The following DRAXIN variants were observed in gnomAD, a reference collection of about 807,000 sequenced individuals.
The protein encoded by DRAXIN is dorsal repulsive axon guidance protein.
In DRAXIN, 27 loss-of-function variants were observed where a neutral mutation model predicts 33.9. The ratio of observed to expected loss-of-function variants is 0.80; its 90% CI spans 0.59 to 1.10. DRAXIN has a LOEUF of 1.10. Among genes scored for constraint, DRAXIN ranks in the 50% least tolerant of loss-of-function variants. The pLI is 0.00. For missense variants in DRAXIN, 371 were observed against 460.8 expected (o/e 0.81, Z 1.78); for synonymous variants, 178 against 194.0 (o/e 0.92, Z 0.69).
At chr1:11,709,240 G>A (rs376350847) in intron 2 of DRAXIN, 35 bp from the exon 3 acceptor site, 14 of 1,575,642 alleles carry the variant, frequency 8.9e-6, no homozygotes, top group Non-Finnish European at 1.1e-5. Context: ...GTGGCAAGCA[G>A]ATATAGCCCC....
In DRAXIN at chr1:11,696,362, C is replaced by T. The variant is rs1325547174; in HGVS notation, c.-11+4509C>T. Among the ~76,000 whole-genome samples, 4 of 152,164 alleles carry T rather than the reference C, an allele frequency of 2.6e-5. No homozygotes were observed. Among genetic ancestry groups the T allele is most frequent in the East Asian group, 1.9e-4 (1 of 5,168 alleles). On this transcript the variant is annotated intron_variant, in intron 1 of 6. Transcript: ENST00000294485. This position sits in a 1 kb window ranked among gnomAD's most constrained non-coding sequence, Gnocchi z 4.7. ...CAGCACTTTGGGAGACAGAGGCAGG[C>T]GGATCATGAGGTCAGGAGTTCGAGA...
Position 11,709,361 on chromosome 1 carries a change from T to A in DRAXIN, c.538T>A (p.Ser180Thr). The change falls in exon 3 of 7, where the codon TCC (serine) becomes ACC (threonine). Residue 180 changes from serine to threonine, a missense_variant. Ser to Thr is a moderately conservative substitution (Grantham distance 58). Coordinates refer to ENST00000294485, the MANE Select transcript of DRAXIN (RefSeq NM_198545.4). ...AQVLDAAMEE[S>T]STSLAPTMFF... is the part of the protein sequence containing the mutation. ...GGTGCTGGATGCAGCCATGGAGGAA[T>A]CCTCCACCAGCCTGGCGCCCACCAT... 1.2e-6 allele frequency: 2 copies of A among 1,613,980 alleles called. No homozygotes were observed. Among genetic ancestry groups the A allele is most frequent in the Non-Finnish European group, 1.7e-6 (2 of 1,179,960 alleles).
At chr1:11,689,797 G>A (rs1021153572), upstream of DRAXIN, among the ~76,000 whole-genome samples, 2 of 151,880 alleles carry the variant, frequency 1.3e-5, no homozygotes, top group African/African-American at 4.8e-5. Context: ...TTTCTTGTGC[G>A]AGATCCAAGA....
chr1:11,712,070 C>T (rs1641502968), intron 4 of DRAXIN, 105 bp downstream of exon 4: 1 of 1,128,010 alleles, frequency 8.9e-7, no homozygotes, highest in Non-Finnish European at 1.3e-6. Context: ...TTCAGATGTC[C>T]AAAGGTGGGA....
chr1:11,703,707 A>G (rs1427412957), intron 1 of DRAXIN, among the ~76,000 whole-genome samples: 1 of 152,176 alleles, frequency 6.6e-6, no homozygotes, highest in African/African-American at 2.4e-5. Flanking sequence ...GGCACTGTGC[A>G]CTGAAATCCC....
In DRAXIN at chr1:11,706,029, A is replaced by G. The variant is rs1429625073; in HGVS notation, c.-10-220A>G. 6.6e-6 allele frequency among the ~76,000 whole-genome samples: 1 copy of G among 152,020 alleles called. No individual in the cohort carries two copies. The stretch of plus-strand genomic sequence containing the variant: ...CTTGGTTTCGGGGGCTGTCCTGTGC[A>G]TTGTCGGGCGTTTAGCAGCATCCAC... On this transcript the variant is annotated intron_variant, in intron 1 of 6. Coordinates refer to ENST00000294485, the MANE Select transcript of DRAXIN (RefSeq NM_198545.4). The surrounding 1 kb of genome is among the most constrained non-coding windows in gnomAD (Gnocchi z 5.5).
chr1:11,714,240 T>TGGGGTGGGCTA (rs1256851703), intron 5 of DRAXIN, among the ~76,000 whole-genome samples: 22 of 140,788 alleles, frequency 1.6e-4, no homozygotes, highest in African/African-American at 5.3e-4. Context: ...AGATTTATTT[T>TGGGGTGGGCTA]GGGGTGGGCT....
At chr1:11,719,329 C>T (rs970504895) in intron 6 of DRAXIN, among the ~76,000 whole-genome samples, 3 of 152,222 alleles carry the variant, frequency 2.0e-5, no homozygotes, top group African/African-American at 7.2e-5. Context: ...ATGCCATGTC[C>T]CACCATTACG....
chr1:11,696,659 C>G lies in DRAXIN; in HGVS notation c.-11+4806C>G, dbSNP rs1036892729. ...CACGAGGTCAAGAGATCGAGAACAT[C>G]CTAATCAACACGGTGAAACTCTGTC... On this transcript the variant is annotated intron_variant, in intron 1 of 6. Coordinates refer to ENST00000294485, the MANE Select transcript of DRAXIN (RefSeq NM_198545.4). This position sits in a 1 kb window ranked among gnomAD's most constrained non-coding sequence, Gnocchi z 4.7. Among the ~76,000 whole-genome samples, 2 of 151,856 alleles carry G rather than the reference C, an allele frequency of 1.3e-5. No homozygotes were observed. Among genetic ancestry groups the G allele is most frequent in the Non-Finnish European group, 2.9e-5 (2 of 67,984 alleles).
Position 11,709,466 on chromosome 1 carries a change from G to A in DRAXIN, c.642+1G>A, listed in dbSNP as rs1214873655. On this transcript the variant is annotated splice_donor_variant, in intron 3 of 6. Transcript: ENST00000294485. LOFTEE classifies it high-confidence loss of function. Reference sequence around the variant, plus strand: ...GCCCGTCACCTCCCTGCGGCCCCAGGTAAGGGGTCCCCAAACAGCCTCGGA... The same window carrying A: ...GCCCGTCACCTCCCTGCGGCCCCAGATAAGGGGTCCCCAAACAGCCTCGGA... 1 of 1,611,170 alleles carries A rather than the reference G, an allele frequency of 6.2e-7. No homozygotes were observed. Among genetic ancestry groups the A allele is most frequent in the Non-Finnish European group, 8.5e-7 (1 of 1,178,734 alleles).
chr1:11,717,805 A>C (rs1570321438), intron 6 of DRAXIN, among the ~76,000 whole-genome samples: 2 of 139,886 alleles, frequency 1.4e-5, no homozygotes, highest in South Asian at 4.6e-4. Flanking sequence ...CAAGGTAGAG[A>C]GACACTGTCT....
intron 1 of DRAXIN, among the ~76,000 whole-genome samples, chr1:11,702,445 ACACT>A (rs552453950): frequency 2.4e-4 from 36 of 151,570 alleles, no homozygotes; most frequent in East Asian, 1.2e-3. Context: ...ACACTCCTAC[ACACT>A]CACAACACAC....
intron 6 of DRAXIN, among the ~76,000 whole-genome samples, chr1:11,717,898 A>G (rs1331083734): frequency 1.4e-5 from 2 of 145,366 alleles, no homozygotes; most frequent in East Asian, 4.1e-4. Flanking sequence ...GGGAGGCTGA[A>G]GTGGGGAGGA....
chr1:11,699,383 C>T (rs1407319711), intron 1 of DRAXIN, among the ~76,000 whole-genome samples: 2 of 152,192 alleles, frequency 1.3e-5, no homozygotes, highest in African/African-American at 2.4e-5. Context: ...ACACAACACA[C>T]CTTTAAGCCC....
At chr1:11,690,147 T>C (rs1306209749), upstream of DRAXIN, among the ~76,000 whole-genome samples, 2 of 152,140 alleles carry the variant, frequency 1.3e-5, no homozygotes, top group Admixed American at 6.6e-5. This position sits in a 1 kb window ranked among gnomAD's most constrained non-coding sequence, Gnocchi z 4.2. Context: ...TGACATCATT[T>C]ATATTTATTT....
At chr1:11,712,785 G>T (rs1641514957) in intron 5 of DRAXIN, among the ~76,000 whole-genome samples, 1 of 152,064 alleles carries the variant, frequency 6.6e-6, no homozygotes, top group Admixed American at 6.6e-5. Context: ...TGTAATCCCA[G>T]CTACTCGGGA....
rs1316425699 is a variant in DRAXIN at position 11,696,136 on chromosome 1, T to C, written c.-11+4283T>C. Among the ~76,000 whole-genome samples, 1 of 152,166 alleles carries C rather than the reference T, an allele frequency of 6.6e-6. No homozygotes were observed. Among genetic ancestry groups the C allele is most frequent in the African/African-American group, 2.4e-5 (1 of 41,440 alleles). ...GACAGAGGACGCAGCCACCTGCGCCTGCCCCTTTGCACACCCAGGCACAGA... is the reference window on the plus strand; with the variant it reads ...GACAGAGGACGCAGCCACCTGCGCCCGCCCCTTTGCACACCCAGGCACAGA... On this transcript the variant is annotated intron_variant, in intron 1 of 6. Transcript: ENST00000294485. The surrounding 1 kb of genome is among the most constrained non-coding windows in gnomAD (Gnocchi z 4.7).
intron 3 of DRAXIN, among the ~76,000 whole-genome samples, chr1:11,710,581 G>A (rs1641469862): frequency 6.6e-6 from 1 of 151,990 alleles, no homozygotes; most frequent in Non-Finnish European, 1.5e-5. Flanking sequence ...GGGGTATATA[G>A]GAGCTGACCG....
Position 11,706,272 on chromosome 1 carries a change from C to A in DRAXIN, c.14C>A (p.Ala5Asp), listed in dbSNP as rs868058358. The stretch of plus-strand genomic sequence containing the variant: ...AGGGAGGAGCCAATGGCTGGGCCTG[C>A]CATCCACACCGCTCCCATGCTGTTC... Reference protein sequence around the residue: MAGPAIHTAPMLFLV... With the variant: MAGPDIHTAPMLFLV... The change falls in exon 2 of 7, where the codon GCC (alanine) becomes GAC (aspartate). Residue 5 changes from alanine to aspartate, a missense_variant. By Grantham distance (126) the Ala-to-Asp change is moderately radical. Coordinates refer to ENST00000294485, the MANE Select transcript of DRAXIN (RefSeq NM_198545.4). The surrounding 1 kb of genome is among the most constrained non-coding windows in gnomAD (Gnocchi z 5.5). The A allele has an allele frequency of 5.6e-6, 9 of 1,594,982 alleles. No homozygotes were observed. Among genetic ancestry groups the A allele is most frequent in the Middle Eastern group, 1.7e-4 (1 of 5,970 alleles).
Sources: gnomAD v4.1 joint callset for allele counts (sites outside exome capture counted in the v4.1 genomes callset) on GRCh38, gnomAD v4.1.1 for gene constraint, Gnocchi (gnomAD v3.1) non-coding constraint, MANE v1.5 for transcripts, NCBI Gene and HGNC (gene_info 2026-07-23, HGNC 2026-07-21) for gene names.